Variants in ERG observed in about 807,000 individuals in gnomAD.
ERG encodes transcriptional regulator ERG.
A neutral mutation model predicts 55.3 loss-of-function variants in ERG; 9 were observed. That is an observed-to-expected ratio of 0.16 (90% CI 0.10 to 0.28). The LOEUF is 0.28. ERG is among the 10% of genes least tolerant of loss of function. The pLI is 1.00. For synonymous variants in ERG, 223 were observed against 237.3 expected (o/e 0.94, Z 0.55); for missense variants, 434 against 631.6 (o/e 0.69, Z 3.35).
chr21:38,598,896 G>A (rs1208283071), intron 1 of ERG, among the ~76,000 whole-genome samples: 1 of 152,206 alleles, frequency 6.6e-6, no homozygotes, highest in Non-Finnish European at 1.5e-5. Context: ...CAGAGACCTG[G>A]CATTCCTTCA....
At chr21:38,442,496 A>G (rs1042495267) in intron 2 of ERG, among the ~76,000 whole-genome samples, 2 of 152,232 alleles carry the variant, frequency 1.3e-5, no homozygotes, top group Admixed American at 6.5e-5. Context: ...CTTGCCTGAC[A>G]GAAAAACCAC....
chr21:38,389,166 CT>C (rs1987851836), intron 9 of ERG, among the ~76,000 whole-genome samples: 1 of 152,130 alleles, frequency 6.6e-6, no homozygotes, highest in African/African-American at 2.4e-5. Flanking sequence ...TCCCTTCATA[CT>C]TAGTCAGTGG....
intron 2 of ERG, 112 bp from the exon 3 acceptor site, chr21:38,423,673 G>T: frequency 8.5e-7 from 1 of 1,179,712 alleles, no homozygotes; most frequent in Non-Finnish European, 1.2e-6. Context: ...AAGAGACTGG[G>T]GGAGAAAGGA....
chr21:38,466,332 T>A (rs1002339320), intron 1 of ERG, among the ~76,000 whole-genome samples: 5 of 150,968 alleles, frequency 3.3e-5, no homozygotes, highest in East Asian at 3.9e-4. Context: ...TGTGTGTGTG[T>A]GATATAGATA....
At chr21:38,451,118 G>C (rs2058937559) in intron 1 of ERG, 15 of 472,148 alleles carry the variant, frequency 3.2e-5, no homozygotes, top group South Asian at 2.1e-4. Flanking sequence ...GAATCACCTA[G>C]AGAGAGACAG....
intron 3 of ERG, among the ~76,000 whole-genome samples, chr21:38,404,488 G>A (rs945696527): frequency 6.6e-6 from 1 of 152,188 alleles, no homozygotes; most frequent in Non-Finnish European, 1.5e-5. Flanking sequence ...GAAGGAGCAG[G>A]TGATCTCCAA....
At chr21:38,582,506 A>C (rs2060036621) in intron 1 of ERG, among the ~76,000 whole-genome samples, 1 of 152,218 alleles carries the variant, frequency 6.6e-6, no homozygotes, top group Admixed American at 6.5e-5. Flanking sequence ...CAATTCACAA[A>C]GGTGTCAGTG....
intron 2 of ERG, among the ~76,000 whole-genome samples, chr21:38,504,172 A>T (rs2059442982): frequency 6.6e-6 from 1 of 152,202 alleles, no homozygotes; most frequent in Non-Finnish European, 1.5e-5. Flanking sequence ...GATCTGAACT[A>T]ATAGAAACCA....
At chr21:38,453,605 G>C (rs112229964) in intron 1 of ERG, among the ~76,000 whole-genome samples, 1 of 152,034 alleles carries the variant, frequency 6.6e-6, no homozygotes, top group East Asian at 1.9e-4. Flanking sequence ...TTTTTTGGCT[G>C]GGTGCAGTGG....
chr21:38,649,483 G>A (rs950963453), intron 1 of ERG, among the ~76,000 whole-genome samples: 3 of 152,166 alleles, frequency 2.0e-5, no homozygotes, highest in Admixed American at 2.0e-4. Context: ...CATCAATGTG[G>A]TCTCGTATTC....
intron 2 of ERG, among the ~76,000 whole-genome samples, chr21:38,542,786 A>G (rs2059762250): frequency 6.6e-6 from 1 of 152,258 alleles, no homozygotes; most frequent in Admixed American, 6.5e-5. Context: ...ACTACTCTGT[A>G]ATAGATAGAA....
At chr21:38,427,633 C>A (rs1369458565) in intron 2 of ERG, among the ~76,000 whole-genome samples, 1 of 152,112 alleles carries the variant, frequency 6.6e-6, no homozygotes, top group African/African-American at 2.4e-5. Flanking sequence ...AATGACTCCA[C>A]AAAGTAAAGG....
intron 1 of ERG, among the ~76,000 whole-genome samples, chr21:38,464,173 A>C (rs1465932541): frequency 1.3e-5 from 2 of 152,150 alleles, no homozygotes; most frequent in African/African-American, 4.8e-5. Context: ...TTACTATTGG[A>C]TTCTATCTTA....
intron 2 of ERG, among the ~76,000 whole-genome samples, chr21:38,574,504 T>C (rs2059982849): frequency 6.6e-6 from 1 of 152,244 alleles, no homozygotes; most frequent in Non-Finnish European, 1.5e-5. Context: ...AAGGAATGCA[T>C]TGAAACTCTT....
intron 1 of ERG, among the ~76,000 whole-genome samples, chr21:38,488,487 G>T (rs2059307303): frequency 6.6e-6 from 1 of 152,130 alleles, no homozygotes; most frequent in South Asian, 2.1e-4. Flanking sequence ...ACATCCTGTA[G>T]ATGGCTAATT....
intron 1 of ERG, among the ~76,000 whole-genome samples, chr21:38,479,768 T>C (rs978023901): frequency 1.3e-5 from 2 of 152,216 alleles, no homozygotes; most frequent in Admixed American, 6.5e-5. Context: ...TACTATCCAC[T>C]GTGGTCATCA....
intron 1 of ERG, among the ~76,000 whole-genome samples, chr21:38,475,604 C>T (rs892972837): frequency 1.2e-4 from 18 of 152,324 alleles, no homozygotes; most frequent in African/African-American, 4.1e-4. Flanking sequence ...CTTGTTCTCA[C>T]CTTTTCTTTG....
At chr21:38,411,080 G>T (rs185961182) in intron 3 of ERG, among the ~76,000 whole-genome samples, 1 of 152,128 alleles carries the variant, frequency 6.6e-6, no homozygotes, top group Non-Finnish European at 1.5e-5. Context: ...GCATCCTCAG[G>T]AGGACAGAAG....
chr21:38,532,689 G>A (rs2059681390), intron 2 of ERG, among the ~76,000 whole-genome samples: 1 of 152,186 alleles, frequency 6.6e-6, no homozygotes, highest in African/African-American at 2.4e-5. Flanking sequence ...TCAAGAGAAT[G>A]GGGCTTTAGT....
Sources: allele counts gnomAD v4.1 joint callset (sites outside exome capture counted in the v4.1 genomes callset), GRCh38; gene constraint gnomAD v4.1.1; transcripts MANE v1.5; gene names NCBI Gene and HGNC (gene_info 2026-07-23, HGNC 2026-07-21).